PINX1: variants seen among roughly 807,000 people sequenced by gnomAD.
The protein encoded by PINX1 is PIN2 (TERF1) interacting telomerase inhibitor 1.
A neutral mutation model predicts 25.4 loss-of-function variants in PINX1; 34 were observed. The observed-to-expected ratio is 1.34, with a 90% CI of 1.02 to 1.78. The LOEUF is 1.78. Among genes scored for constraint, PINX1 ranks in the 40% most tolerant of loss-of-function variants. The pLI, the probability that PINX1 is intolerant of heterozygous loss-of-function variation, is 0.00. For synonymous variants in PINX1, 197 were observed against 147.7 expected, an observed-to-expected ratio of 1.33 and a Z score of -2.42; for missense variants, 592 against 404.9, an observed-to-expected ratio of 1.46 and a Z score of -3.97.
chr8:10,800,470 CTT>C (rs35149115), intron 6 of PINX1, among the ~76,000 whole-genome samples: 80 of 143,224 alleles, frequency 5.6e-4, no homozygotes, highest in Non-Finnish European at 5.4e-4. Flanking sequence ...TGAGAATAAA[CTT>C]TTTTTTTTTT....
chr8:10,816,025 C>T (rs976598172), intron 6 of PINX1, among the ~76,000 whole-genome samples: 4 of 152,258 alleles, frequency 2.6e-5, no homozygotes, highest in African/African-American at 4.8e-5. Flanking sequence ...CCTAATCAGA[C>T]GATTCTGTCG....
intron 6 of PINX1, among the ~76,000 whole-genome samples, chr8:10,805,059 A>T (rs993319648): frequency 1.2e-4 from 18 of 152,184 alleles, no homozygotes; most frequent in African/African-American, 4.3e-4. Context: ...AGTTTCCACT[A>T]ATCTTTCCCA....
In PINX1 at chr8:10,765,049, T is replaced by G; in HGVS notation, c.*352A>C. ...GAAGGGAACCGAGAGCAAACGGAGA[T>G]AGTGACACACACACACACACACAGA... On this transcript the variant is annotated 3_prime_UTR_variant, in exon 7 of 7. Transcript: ENST00000314787. 5.0e-6 allele frequency: 1 copy of G among 198,668 alleles called. No individual in the cohort carries two copies. The allele number at this position is 198,668 out of a possible 1,614,324, so 12.3% of individuals were successfully genotyped here. A position where few individuals can be genotyped will look rare whatever the true frequency, so the allele number is the denominator to read the frequency against.
Position 10,834,712 on chromosome 8 carries a change from T to G in PINX1, c.83A>C (p.Lys28Thr). ...QNTAWSNDDS[K>T]FGQRMLEKMG... The stretch of plus-strand genomic sequence containing the variant: ...CTTCTCTAGCATCCGCTGGCCAAAC[T>G]TGGAATCGTCATTACTCCAGGCAGT... The change falls in exon 2 of 7, where the codon AAG (lysine) becomes ACG (threonine). Residue 28 changes from lysine (K) to threonine (T), a missense_variant. Coordinates refer to ENST00000314787, the MANE Select transcript of PINX1 (RefSeq NM_017884.6). 1 of 1,613,984 alleles carries G rather than the reference T, an allele frequency of 6.2e-7. No homozygotes were observed. Among genetic ancestry groups the G allele is most frequent in the Admixed American group, 1.7e-5 (1 of 60,028 alleles).
intron 6 of PINX1, among the ~76,000 whole-genome samples, chr8:10,807,832 G>C (rs1802502410): frequency 6.6e-6 from 1 of 152,178 alleles, no homozygotes; most frequent in Admixed American, 6.5e-5. Flanking sequence ...GAGCAAGGCT[G>C]GGGAAAAGTC....
intron 6 of PINX1, among the ~76,000 whole-genome samples, chr8:10,775,821 C>T (rs535163387): frequency 2.0e-5 from 3 of 152,136 alleles, no homozygotes; most frequent in Non-Finnish European, 4.4e-5. Context: ...GGAAATAGGG[C>T]TCCTCAGTAA....
intron 6 of PINX1, among the ~76,000 whole-genome samples, chr8:10,774,754 GC>G (rs1434913674): frequency 1.3e-5 from 2 of 152,070 alleles, no homozygotes; most frequent in Non-Finnish European, 2.9e-5. Flanking sequence ...ACTACATAAG[GC>G]TAATATTTTC....
intron 6 of PINX1, among the ~76,000 whole-genome samples, chr8:10,809,618 A>T (rs571366407): frequency 8.5e-5 from 13 of 152,302 alleles, no homozygotes; most frequent in African/African-American, 3.1e-4. Flanking sequence ...ACCTGTTCCT[A>T]TGCTGTGAGG....
chr8:10,778,100 T>C (rs1001591489), intron 6 of PINX1, among the ~76,000 whole-genome samples: 12 of 152,100 alleles, frequency 7.9e-5, no homozygotes, highest in African/African-American at 2.7e-4. Flanking sequence ...TTACACTCTT[T>C]AGAAACCCTG....
At chr8:10,786,347 C>G (rs151004447) in intron 6 of PINX1, among the ~76,000 whole-genome samples, 1 of 152,132 alleles carries the variant, frequency 6.6e-6, no homozygotes, top group Non-Finnish European at 1.5e-5. Context: ...GCTCTTTCTA[C>G]AACACCAAGT....
intron 6 of PINX1, among the ~76,000 whole-genome samples, chr8:10,792,294 T>C (rs1210380730): frequency 6.6e-6 from 1 of 151,882 alleles, no homozygotes; most frequent in African/African-American, 2.4e-5. Context: ...TCCTCCTGCA[T>C]CTTCTCTTAC....
chr8:10,775,318 C>T (rs58118026), intron 6 of PINX1, among the ~76,000 whole-genome samples: 40 of 151,754 alleles, frequency 2.6e-4, no homozygotes, highest in Admixed American at 5.3e-4. Flanking sequence ...GTTTGCAGTT[C>T]TGAACCCACC....
intron 6 of PINX1, among the ~76,000 whole-genome samples, chr8:10,769,832 G>C (rs1801170020): frequency 6.6e-6 from 1 of 152,140 alleles, no homozygotes; most frequent in South Asian, 2.1e-4. Context: ...CCACCTCATG[G>C]ACTGCCTTGT....
chr8:10,765,716 C>A lies in PINX1; in HGVS notation c.672G>T (p.Val224=). Residue 224 remains valine (V), a synonymous_variant, in exon 7 of 7, where the codon GTG becomes GTT. Transcript: ENST00000314787. ...KRNKEATGKD[V]ESYLQPKAKR... ...TGGCCTTAGGCTGGAGGTAACTTTC[C>A]ACATCTTTACCTGTGGCCTCTTTAT... is the stretch of plus-strand genomic sequence containing the variant. 2 of 1,614,014 alleles carry A rather than the reference C, an allele frequency of 1.2e-6. No homozygotes were observed. Among genetic ancestry groups the A allele is most frequent in the Non-Finnish European group, 1.7e-6 (2 of 1,179,892 alleles).
In PINX1 at chr8:10,780,477, C is replaced by T. The variant is rs574852809; in HGVS notation, c.472-14561G>A. Among the ~76,000 whole-genome samples the T allele has an allele frequency of 4.6e-5, 7 of 152,228 alleles. No individual in the cohort carries two copies. The South Asian group carries it at 1.0e-3, about 23-fold the overall frequency. On this transcript the variant is annotated intron_variant, in intron 6 of 6. Transcript: ENST00000314787. ...GACTGAGATGATCACGTGGTTTTGTCTTTCCATCTGTTAATATAATGCATT... is the reference window on the plus strand; with the variant it reads ...GACTGAGATGATCACGTGGTTTTGTTTTTCCATCTGTTAATATAATGCATT...
intron 1 of PINX1, 93 bp from the exon 2 acceptor site, chr8:10,834,868 T>C (rs1202893877): frequency 1.6e-5 from 13 of 806,460 alleles, no homozygotes; most frequent in African/African-American, 3.4e-5. Context: ...GTATTTTATG[T>C]ATGTATGTAA....
chr8:10,770,084 C>G (rs1801176876), intron 6 of PINX1, among the ~76,000 whole-genome samples: 1 of 152,220 alleles, frequency 6.6e-6, no homozygotes, highest in Non-Finnish European at 1.5e-5. Context: ...CATGTACATT[C>G]ACTTGAAAAA....
rs747212882 is a variant in PINX1 at position 10,765,627 on chromosome 8, C to G, written c.761G>C (p.Ser254Thr). ...EAQERVAKKK[S>T]APAEEQLRGP... ...TCTGAGCTGCTCTTCTGCTGGCGCG[C>G]TCTTCTTCTTGGCCACTCGCTCCTG... Residue 254 changes from serine (S) to threonine (T), a missense_variant, in exon 7 of 7, where the codon AGC becomes ACC. Coordinates refer to ENST00000314787, the MANE Select transcript of PINX1 (RefSeq NM_017884.6). 6.2e-7 allele frequency: 1 copy of G among 1,613,904 alleles called. No homozygotes were observed. The highest frequency in any genetic ancestry group is 2.2e-5 in the East Asian group (1 of 44,862).
intron 6 of PINX1, among the ~76,000 whole-genome samples, chr8:10,791,893 G>C (rs1801934471): frequency 6.6e-6 from 1 of 152,216 alleles, no homozygotes; most frequent in African/African-American, 2.4e-5. Context: ...AGGTTGACAA[G>C]AAGCGTGCAG....
Sources: gnomAD v4.1 joint callset for allele counts (sites outside exome capture counted in the v4.1 genomes callset) on GRCh38, gnomAD v4.1.1 for gene constraint, MANE v1.5 for transcripts, NCBI Gene and HGNC (gene_info 2026-07-23, HGNC 2026-07-21) for gene names.